Variants in MALT1 observed in about 807,000 individuals in gnomAD.
The protein encoded by MALT1 is mucosa-associated lymphoid tissue lymphoma translocation protein 1.
MALT1 carries 36 observed loss-of-function variants against 85.5 expected under a neutral mutation model. The observed-to-expected ratio is 0.42, with a 90% CI of 0.32 to 0.56. The LOEUF (loss-of-function observed/expected upper bound fraction) is 0.56. MALT1 is among the 20% of genes least tolerant of loss of function. The pLI, the probability that MALT1 is intolerant of heterozygous loss-of-function variation, is 0.10. For missense variants in MALT1, 716 were observed against 981.6 expected, an observed-to-expected ratio of 0.73 and a Z score of 3.62; for synonymous variants, 359 against 361.3, an observed-to-expected ratio of 0.99 and a Z score of 0.07.
chr18:58,712,659 C>T (rs1485475834), intron 7 of MALT1, among the ~76,000 whole-genome samples: 2 of 151,994 alleles, frequency 1.3e-5, no homozygotes. Flanking sequence ...TTTACCATGT[C>T]TCTCAAAATA....
Position 58,728,380 on chromosome 18 carries a change from G to C in MALT1, c.1223-5017G>C, listed in dbSNP as rs184157428. 2.6e-4 allele frequency among the ~76,000 whole-genome samples: 39 copies of C among 147,800 alleles called. No individual in the cohort carries two copies. The East Asian group carries it at 7.4e-3, about 28-fold the overall frequency. Reference sequence around the variant, plus strand: ...TAACAGTGGGAAGCTAAGGTGGGAGGGTTGCTTGAGCCCAGGAGTTTGAGA... The same window carrying C: ...TAACAGTGGGAAGCTAAGGTGGGAGCGTTGCTTGAGCCCAGGAGTTTGAGA... On this transcript the variant is annotated intron_variant, in intron 10 of 16. Coordinates refer to ENST00000649217, the MANE Select transcript of MALT1 (RefSeq NM_006785.4).
In MALT1 at chr18:58,749,847, T is replaced by C. The variant is rs945387211; in HGVS notation, c.*2005T>C. ...TCTATGAAAAGCCCACACCTAACAT[T>C]ATACTTCATGGTGATAGACTGAAGG... On this transcript the variant is annotated 3_prime_UTR_variant, in exon 17 of 17. Transcript: ENST00000649217. 7 of 209,722 alleles carry C rather than the reference T, an allele frequency of 3.3e-5. No individual in the cohort carries two copies. Among genetic ancestry groups the C allele is most frequent in the Non-Finnish European group, 5.8e-5 (6 of 103,272 alleles). The allele number at this position is 209,722 out of a possible 1,614,324, so 13.0% of individuals were successfully genotyped here.
At chr18:58,691,257 T>C (rs7506506) in intron 2 of MALT1, 60,160 of 422,520 alleles carry the variant, frequency 0.14, 4,776 homozygotes, top group Admixed American at 0.22. Flanking sequence ...TCCTTACCCC[T>C]ATCTCCATAT....
intron 13 of MALT1, among the ~76,000 whole-genome samples, chr18:58,736,332 T>G (rs566730794): frequency 3.3e-5 from 5 of 152,114 alleles, no homozygotes; most frequent in Non-Finnish European, 7.4e-5. Context: ...CAGCCAGGGC[T>G]TTGGACTTCC....
intron 1 of MALT1, chr18:58,677,742 C>G (rs2054262289): frequency 6.6e-6 from 1 of 152,158 alleles, no homozygotes; most frequent in South Asian, 2.1e-4. Flanking sequence ...TGCCACTGGT[C>G]TACAGTCCAG....
At chr18:58,704,214 C>A (rs4940422) in intron 4 of MALT1, among the ~76,000 whole-genome samples, 113,625 of 152,238 alleles carry the variant, frequency 0.75, 42,539 homozygotes, top group East Asian at 0.82. Flanking sequence ...TTGCTGAATC[C>A]TAGAGTAGAT....
intron 10 of MALT1, among the ~76,000 whole-genome samples, chr18:58,732,039 A>G (rs1384381666): frequency 6.6e-6 from 1 of 152,212 alleles, no homozygotes; most frequent in Non-Finnish European, 1.5e-5. Context: ...GTAGGACCAC[A>G]TGAAGCAAAT....
Position 58,747,818 on chromosome 18 carries a change from C to T in MALT1, c.2451C>T (p.Asp817=), listed in dbSNP as rs1602347562. ...ATGAAATACCATTTAGTTTCTCTGA[C>T]AGGCTCAGAATTTCTGAAAAATGAC... ...TTDEIPFSFS[D]RLRISEK is the part of the protein sequence containing the mutation. Residue 817 remains aspartate (D), a synonymous_variant, in exon 17 of 17, where the codon GAC becomes GAT. Transcript: ENST00000649217. 2.5e-6 allele frequency: 4 copies of T among 1,613,204 alleles called. No homozygotes were observed. Among genetic ancestry groups the T allele is most frequent in the Non-Finnish European group, 3.4e-6 (4 of 1,179,288 alleles).
chr18:58,695,431 G>T (rs2144349352), intron 2 of MALT1, among the ~76,000 whole-genome samples: 1 of 152,262 alleles, frequency 6.6e-6, no homozygotes, highest in Middle Eastern at 3.4e-3. Flanking sequence ...TTAGATGTTG[G>T]CAGTTATTCC....
Position 58,696,441 on chromosome 18 carries a change from C to T in MALT1, c.452C>T (p.Thr151Ile), listed in dbSNP as rs1265427907. ...GQFVKLCCRA[T>I]GHPFVQYQWF... ...TTTGTGAAACTGTGTTGCCGGGCAACTGGACATCCTTTTGTTCAATATCAG... is the reference window on the plus strand; with the variant it reads ...TTTGTGAAACTGTGTTGCCGGGCAATTGGACATCCTTTTGTTCAATATCAG... The change falls in exon 3 of 17, where the codon ACT (threonine) becomes ATT (isoleucine). Residue 151 changes from threonine to isoleucine, a missense_variant. Thr to Ile is a moderately conservative substitution (Grantham distance 89, BLOSUM62 -1). Transcript: ENST00000649217. 6.3e-7 allele frequency: 1 copy of T among 1,590,762 alleles called. No homozygotes were observed. The highest frequency in any genetic ancestry group is 8.6e-7 in the Non-Finnish European group (1 of 1,169,496).
intron 4 of MALT1, among the ~76,000 whole-genome samples, 169 bp downstream of exon 4, chr18:58,700,760 T>C (rs1311215842): frequency 2.0e-5 from 3 of 152,038 alleles, no homozygotes; most frequent in Non-Finnish European, 4.4e-5. Flanking sequence ...TCCATGTGTT[T>C]TGTCTTTCTT....
rs776229068 is a variant in MALT1, at chr18:58,745,843, A to C, written c.2037+52A>C. 48 of 1,561,922 alleles carry C rather than the reference A, an allele frequency of 3.1e-5. No homozygotes were observed. In the East Asian group the frequency reaches 1.0e-3, roughly 34 times the overall value. On this transcript the variant is annotated intron_variant, in intron 16 of 16. Coordinates refer to ENST00000649217, the MANE Select transcript of MALT1 (RefSeq NM_006785.4). Reference sequence around the variant, plus strand: ...CTAATGGAAAACTTTATGAAACTGGAAACTTATTTTGGCATAGACCATAGA... The same window carrying C: ...CTAATGGAAAACTTTATGAAACTGGCAACTTATTTTGGCATAGACCATAGA...
At chr18:58,672,168 G>A (rs1418174264) in intron 1 of MALT1, 1 of 258,644 alleles carries the variant, frequency 3.9e-6, no homozygotes, top group Non-Finnish European at 7.3e-6. Context: ...GTGAGAGAAG[G>A]AAAGCTGTCA....
chr18:58,720,590 C>A (rs1016171254), intron 9 of MALT1, among the ~76,000 whole-genome samples: 1 of 152,224 alleles, frequency 6.6e-6, no homozygotes, highest in Non-Finnish European at 1.5e-5. Flanking sequence ...CACTGTTGAA[C>A]CCGTGCATTC....
At position 58,700,576 on chromosome 18, in the gene MALT1, C is replaced by A; in HGVS notation, c.634C>A (p.Pro212Thr). Residue 212 changes from proline to threonine, a missense_variant, in exon 4 of 17, where the codon CCA becomes ACA. Coordinates refer to ENST00000649217, the MANE Select transcript of MALT1 (RefSeq NM_006785.4). ...QWSQLDVCDI[P>T]ESFQRSVDGV... is the part of the protein sequence containing the mutation. The stretch of plus-strand genomic sequence containing the variant: ...GTCACAGCTGGATGTTTGCGACATC[C>A]CAGAGAGCTTCCAGAGTAAGTAACG... The A allele has an allele frequency of 6.2e-7, 1 of 1,601,202 alleles. No homozygotes were observed. Among genetic ancestry groups the A allele is most frequent in the Non-Finnish European group, 8.5e-7 (1 of 1,176,206 alleles).
At chr18:58,715,782 T>G (rs913633980) in intron 8 of MALT1, among the ~76,000 whole-genome samples, 153 bp from the exon 9 acceptor site, 3 of 152,168 alleles carry the variant, frequency 2.0e-5, no homozygotes, top group African/African-American at 7.2e-5. Flanking sequence ...CCACCATCGT[T>G]TTTTTCCATT....
intron 14 of MALT1, 123 bp downstream of exon 14, chr18:58,742,137 A>G: frequency 1.7e-6 from 1 of 574,538 alleles, no homozygotes; most frequent in East Asian, 3.2e-5. Flanking sequence ...TACTAGGCAA[A>G]TCTCAAACCA....
intron 2 of MALT1, among the ~76,000 whole-genome samples, chr18:58,685,479 C>T (rs1056436700): frequency 6.6e-6 from 1 of 152,118 alleles, no homozygotes; most frequent in African/African-American, 2.4e-5. Context: ...AGTTTCTTTT[C>T]TGGATTTGTT....
Position 58,735,072 on chromosome 18 carries a change from C to G in MALT1, c.1476-130C>G, listed in dbSNP as rs530223051. 641 of 740,610 alleles carry G rather than the reference C, an allele frequency of 8.7e-4. 8 individuals are homozygous for G. The African/African-American group carries it at 0.011, about 12-fold the overall frequency. 45.9% of individuals were successfully genotyped at this position (740,610 alleles called of 1,614,324 possible). ...AGTCCCCACGCTGTCCCCACCCCCC[C>G]CCAGCCTCTGGTAACCACCATTCTG... On this transcript the variant is annotated intron_variant, in intron 12 of 16. Coordinates refer to ENST00000649217, the MANE Select transcript of MALT1 (RefSeq NM_006785.4).
Sources: allele counts gnomAD v4.1 joint callset (sites outside exome capture counted in the v4.1 genomes callset), GRCh38; gene constraint gnomAD v4.1.1; transcripts MANE v1.5; gene names NCBI Gene and HGNC (gene_info 2026-07-23, HGNC 2026-07-21).